The following RIMKLA variants were observed in gnomAD, a reference collection of about 807,000 sequenced individuals.
The protein encoded by RIMKLA is ribosomal modification protein rimK like family member A.
In RIMKLA, 14 loss-of-function variants were observed where a neutral mutation model predicts 32.7. That is an observed-to-expected ratio of 0.43 (90% CI 0.28 to 0.67). The LOEUF (loss-of-function observed/expected upper bound fraction) is 0.67, where lower values mean the gene tolerates loss of function less well. RIMKLA is among the 30% of genes least tolerant of loss of function. RIMKLA has a pLI of 0.18. For synonymous variants in RIMKLA, 176 were observed against 204.1 expected (o/e 0.86, Z 1.18); for missense variants, 410 against 519.0 (o/e 0.79, Z 2.04).
intron 1 of RIMKLA, 39 bp downstream of exon 1, chr1:42,381,136 C>G (rs903010626): frequency 1.0e-5 from 13 of 1,240,168 alleles, no homozygotes; most frequent in Non-Finnish European, 1.3e-5. Context: ...GGAGGCGCGC[C>G]GGGGTCCACG....
At chr1:42,385,095 C>T (rs187230413) in intron 1 of RIMKLA, among the ~76,000 whole-genome samples, 2 of 152,080 alleles carry the variant, frequency 1.3e-5, no homozygotes, top group African/African-American at 4.8e-5. Context: ...AGTTTATATC[C>T]CCCCTCCCTC....
rs1437939550 is a variant in RIMKLA at position 42,410,035 on chromosome 1, A to G, written c.533A>G (p.His178Arg). ...RDKHHLSDIC[H>R]LIRHDVPYLF... ...AAACATCACCTCTCTGACATCTGCCATCTGATCCGCCACGATGTGCCCTAC... is the reference window on the plus strand; with the variant it reads ...AAACATCACCTCTCTGACATCTGCCGTCTGATCCGCCACGATGTGCCCTAC... Residue 178 changes from histidine to arginine, a missense_variant, in exon 4 of 5, where the codon CAT becomes CGT. His to Arg is a conservative substitution (Grantham distance 29, BLOSUM62 0). Coordinates refer to ENST00000431473, the MANE Select transcript of RIMKLA (RefSeq NM_173642.4). The G allele has an allele frequency of 3.1e-6, 5 of 1,614,178 alleles. No individual in the cohort carries two copies. The South Asian group carries it at 4.4e-5, about 14-fold the overall frequency.
chr1:42,382,685 G>A (rs1642899382), intron 1 of RIMKLA, among the ~76,000 whole-genome samples: 1 of 152,094 alleles, frequency 6.6e-6, no homozygotes, highest in South Asian at 2.1e-4. Context: ...AATTCTGTAA[G>A]AGCAAGAAAA....
chr1:42,400,427 G>C (rs551979142), intron 2 of RIMKLA, among the ~76,000 whole-genome samples: 1 of 152,310 alleles, frequency 6.6e-6, no homozygotes, highest in Admixed American at 6.5e-5. Flanking sequence ...ACAAGTAGTG[G>C]TAGGTTTTTA....
Position 42,415,160 on chromosome 1 carries a change from A to G in RIMKLA, c.*186A>G. 5.1e-6 allele frequency: 3 copies of G among 584,280 alleles called. No individual in the cohort carries two copies. Among genetic ancestry groups the G allele is most frequent in the Non-Finnish European group, 5.7e-6 (2 of 348,954 alleles). The allele number at this position is 584,280 out of a possible 1,614,324, so 36.2% of individuals were successfully genotyped here. A position where few individuals can be genotyped will look rare whatever the true frequency, so the allele number is the denominator to read the frequency against. ...CTTTGTGGTTTTTACAAAGACAAAT[A>G]TAAAAACACTCAAGAACAACGTCCC... On this transcript the variant is annotated 3_prime_UTR_variant, in exon 5 of 5. Coordinates refer to ENST00000431473, the MANE Select transcript of RIMKLA (RefSeq NM_173642.4).
chr1:42,418,520 G>C lies in RIMKLA; in HGVS notation c.*3546G>C, dbSNP rs16829470. The C allele has an allele frequency of 0.29, 43,776 of 152,092 alleles. 7,167 individuals are homozygous for C. Among genetic ancestry groups the C allele is most frequent in the South Asian group, 0.44 (2,116 of 4,810 alleles). 9.4% of individuals were successfully genotyped at this position (152,092 alleles called of 1,614,324 possible). A position where few individuals can be genotyped will look rare whatever the true frequency, so the allele number is the denominator to read the frequency against. ...TGTGAAAGAAATAAAAAATTGGGAT[G>C]ATTTGGAATTCTAGTAGGAAGGAGG... On this transcript the variant is annotated 3_prime_UTR_variant, in exon 5 of 5. Transcript: ENST00000431473.
At chr1:42,398,730 G>T (rs1643068160) in intron 1 of RIMKLA, among the ~76,000 whole-genome samples, 1 of 152,230 alleles carries the variant, frequency 6.6e-6, no homozygotes, top group Non-Finnish European at 1.5e-5. Context: ...ACACAGGAAG[G>T]CTGAGGCGAG....
At chr1:42,396,773 T>G (rs1198687819) in intron 1 of RIMKLA, among the ~76,000 whole-genome samples, 1 of 152,242 alleles carries the variant, frequency 6.6e-6, no homozygotes, top group Non-Finnish European at 1.5e-5. Flanking sequence ...GTCTTCTGTG[T>G]AGTAATAATG....
intron 2 of RIMKLA, among the ~76,000 whole-genome samples, chr1:42,400,414 A>C (rs1643087403): frequency 6.6e-6 from 1 of 152,230 alleles, no homozygotes; most frequent in South Asian, 2.1e-4. Flanking sequence ...AAGTAGAGAC[A>C]GGACAAGTAG....
intron 3 of RIMKLA, among the ~76,000 whole-genome samples, chr1:42,404,844 T>G (rs987254449): frequency 1.3e-5 from 2 of 152,210 alleles, no homozygotes; most frequent in African/African-American, 4.8e-5. Flanking sequence ...CCAGTGCCTC[T>G]TCTGTTCTTT....
chr1:42,399,675 C>G (rs1643080472), intron 2 of RIMKLA, 41 bp downstream of exon 2: 1 of 1,254,050 alleles, frequency 8.0e-7, no homozygotes. Flanking sequence ...ATGTGCATCT[C>G]TGTTTTCTTT....
intron 1 of RIMKLA, among the ~76,000 whole-genome samples, chr1:42,384,595 GTATA>G (rs1642920728): frequency 7.6e-6 from 1 of 131,876 alleles, no homozygotes; most frequent in African/African-American, 3.0e-5. Context: ...GTGTATATAT[GTATA>G]TATGTATGTA....
At chr1:42,396,972 C>G in intron 1 of RIMKLA, among the ~76,000 whole-genome samples, 1 of 151,946 alleles carries the variant, frequency 6.6e-6, no homozygotes, top group South Asian at 2.1e-4. Flanking sequence ...ATTATTTCCC[C>G]CAAGGGCTGT....
At position 42,415,007 on chromosome 1, in the gene RIMKLA, C is replaced by T. The variant is rs747745824; in HGVS notation, c.*33C>T. 4 of 1,556,986 alleles carry T rather than the reference C, an allele frequency of 2.6e-6. No individual in the cohort carries two copies. In the Admixed American group the frequency reaches 7.3e-5, roughly 28 times the overall value. ...CTTTTTGGCAGCATTTAAACCAAAT[C>T]CTACTGCTTCCCTAGTAGTTTTGAG... On this transcript the variant is annotated 3_prime_UTR_variant, in exon 5 of 5. Transcript: ENST00000431473.
intron 4 of RIMKLA, chr1:42,412,339 CTCT>C: frequency 1.1e-5 from 2 of 181,684 alleles, no homozygotes; most frequent in Non-Finnish European, 2.3e-5. Context: ...ATCTCTCTCT[CTCT>C]TTTTTTTTGG....
chr1:42,416,681 T>C lies in RIMKLA; in HGVS notation c.*1707T>C, dbSNP rs1304633068. On this transcript the variant is annotated 3_prime_UTR_variant, in exon 5 of 5. Coordinates refer to ENST00000431473, the MANE Select transcript of RIMKLA (RefSeq NM_173642.4). ...ACTACTTCAAAGGCAACACTACCCA[T>C]TCGGGTGCAGAAATTACCGTACTTA... The C allele has an allele frequency of 6.6e-6, 1 of 152,238 alleles. No homozygotes were observed. The highest frequency in any genetic ancestry group is 1.5e-5 in the Non-Finnish European group (1 of 68,034). The allele number at this position is 152,238 out of a possible 1,614,324, so 9.4% of individuals were successfully genotyped here.
In RIMKLA at chr1:42,415,836, G is replaced by GT. The variant is rs1164412851; in HGVS notation, c.*867dup. 2.6e-5 allele frequency: 4 copies of GT among 152,166 alleles called. No homozygotes were observed. Among genetic ancestry groups the GT allele is most frequent in the Admixed American group, 1.3e-4 (2 of 15,272 alleles). 9.4% of individuals were successfully genotyped at this position (152,166 alleles called of 1,614,324 possible). A position where few individuals can be genotyped will look rare whatever the true frequency, so the allele number is the denominator to read the frequency against. ...TCACTTGTCATCCAGAAGCCAGTGG[G>GT]TTTTTACCATAGAAAGCTACTTGGA... On this transcript the variant is annotated 3_prime_UTR_variant, in exon 5 of 5. Transcript: ENST00000431473.
rs902794734 is a variant in RIMKLA at position 42,422,505 on chromosome 1, T to C, written c.*7531T>C. On this transcript the variant is annotated 3_prime_UTR_variant, in exon 5 of 5. Transcript: ENST00000431473. ...ATACAGCAATAACAGTGTTAACTTC[T>C]CCAACAGAGACGAAATCATTTATAA... 1 of 152,244 alleles carries C rather than the reference T, an allele frequency of 6.6e-6. No individual in the cohort carries two copies. The highest frequency in any genetic ancestry group is 2.4e-5 in the African/African-American group (1 of 41,466). The allele number at this position is 152,244 out of a possible 1,614,324, so 9.4% of individuals were successfully genotyped here.
chr1:42,403,309 T>C (rs958543723), intron 2 of RIMKLA, among the ~76,000 whole-genome samples: 4 of 152,190 alleles, frequency 2.6e-5, no homozygotes, highest in African/African-American at 9.7e-5. Context: ...GAAATATTAG[T>C]TGACATCTGA....
Sources: allele counts gnomAD v4.1 joint callset (sites outside exome capture counted in the v4.1 genomes callset), GRCh38; gene constraint gnomAD v4.1.1; transcripts MANE v1.5; gene names NCBI Gene and HGNC (gene_info 2026-07-23, HGNC 2026-07-21).